Variants in HDAC2 observed in about 807,000 individuals in gnomAD.
The protein encoded by HDAC2 is histone deacetylase 2.
In HDAC2, 5 loss-of-function variants were observed where a neutral mutation model predicts 68.5. The ratio of observed to expected loss-of-function variants is 0.07; its 90% confidence interval spans 0.04 to 0.15. The LOEUF is 0.15. HDAC2 is among the 10% of genes least tolerant of loss of function. The pLI, the probability that HDAC2 is intolerant of heterozygous loss-of-function variation, is 1.00. For missense variants in HDAC2, 291 were observed against 600.8 expected, an observed-to-expected ratio of 0.48 and a Z score of 5.39; for synonymous variants, 182 against 191.3, an observed-to-expected ratio of 0.95 and a Z score of 0.40.
chr6:113,947,066 T>A (rs1024685628), intron 8 of HDAC2: 3 of 152,176 alleles, frequency 2.0e-5, no homozygotes, highest in African/African-American at 4.8e-5. Context: ...AGTTGCAACA[T>A]GTGATTTACA....
At chr6:113,960,647 A>G (rs1442689723) in intron 1 of HDAC2, among the ~76,000 whole-genome samples, 1 of 152,092 alleles carries the variant, frequency 6.6e-6, no homozygotes, top group Non-Finnish European at 1.5e-5. Flanking sequence ...ACGGCATCTT[A>G]TATCACAATG....
rs1157061131 is a variant in HDAC2 at position 113,965,706 on chromosome 6, C to T, written c.52+5151G>A. On this transcript the variant is annotated intron_variant, in intron 1 of 13. Transcript: ENST00000519065. The stretch of plus-strand genomic sequence containing the variant: ...CTTTATACCTGCAGTCTTTTATTTC[C>T]TTCTTAGGACTTGAGCAATCTTTTG... 2.6e-5 allele frequency among the ~76,000 whole-genome samples: 4 copies of T among 152,144 alleles called. No homozygotes were observed. The East Asian group carries it at 7.7e-4, about 29-fold the overall frequency.
At chr6:113,963,443 T>C (rs1315336863) in intron 1 of HDAC2, among the ~76,000 whole-genome samples, 1 of 152,178 alleles carries the variant, frequency 6.6e-6, no homozygotes, top group Non-Finnish European at 1.5e-5. Flanking sequence ...TTTTTATTCA[T>C]CATTTAAATG....
In HDAC2 at chr6:113,956,607, A is replaced by C; in HGVS notation, c.358+12T>G. 6.3e-7 allele frequency: 1 copy of C among 1,592,880 alleles called. No individual in the cohort carries two copies. The highest frequency in any genetic ancestry group is 8.6e-7 in the Non-Finnish European group (1 of 1,160,634). ...CAGATCAACTTTTAAATCTGATTGC[A>C]TTAGCACTTACCAACTGAACCGCCA... On this transcript the variant is annotated intron_variant, in intron 4 of 13. Transcript: ENST00000519065.
At position 113,970,936 on chromosome 6, in the gene HDAC2, G is replaced by GCAC. The variant is rs1562153062; in HGVS notation, c.-29_-28insGTG. The GCAC allele has an allele frequency of 6.4e-7, 1 of 1,552,588 alleles. No individual in the cohort carries two copies. On this transcript the variant is annotated 5_prime_UTR_variant, in exon 1 of 14. Coordinates refer to ENST00000519065, the MANE Select transcript of HDAC2 (RefSeq NM_001527.4). Reference sequence around the variant, plus strand: ...GCTCCCCGGCCACCGCCGCCACCGGGCTCCTCCTCCTGCTGCTGCTGCTGC... The same window carrying GCAC: ...GCTCCCCGGCCACCGCCGCCACCGGGCACCTCCTCCTCCTGCTGCTGCTGCTGC...
chr6:113,970,307 G>T, intron 1 of HDAC2: 2 of 286,992 alleles, frequency 7.0e-6, no homozygotes, highest in Non-Finnish European at 1.0e-5. Context: ...AGACGCTCCG[G>T]CCAGACCGAA....
At chr6:113,959,885 T>C (rs773040572) in intron 2 of HDAC2, 21 bp downstream of exon 2, 21 of 967,426 alleles carry the variant, frequency 2.2e-5, no homozygotes, top group Non-Finnish European at 2.6e-5. Flanking sequence ...GTGCTGAATA[T>C]GTATTAAAAG....
At chr6:113,942,632 T>C (rs1562139978) in intron 12 of HDAC2, among the ~76,000 whole-genome samples, 1 of 152,148 alleles carries the variant, frequency 6.6e-6, no homozygotes, top group Non-Finnish European at 1.5e-5. Context: ...AGATACTGTG[T>C]TCCCTAGCCA....
rs1170894901 is a variant in HDAC2, at chr6:113,937,579, T to C, written c.*3479A>G. On this transcript the variant is annotated 3_prime_UTR_variant, in exon 14 of 14. Transcript: ENST00000519065. Reference sequence around the variant, plus strand: ...ATAGTTGCTTTCTAAGTCTGTAACATGATAGGTTTAGGCCGGGTACGGTGG... The same window carrying C: ...ATAGTTGCTTTCTAAGTCTGTAACACGATAGGTTTAGGCCGGGTACGGTGG... The C allele has an allele frequency of 6.6e-6, 1 of 152,244 alleles. No individual in the cohort carries two copies. Among genetic ancestry groups the C allele is most frequent in the East Asian group, 1.9e-4 (1 of 5,196 alleles). The allele number at this position is 152,244 out of a possible 1,614,324, so 9.4% of individuals were successfully genotyped here.
chr6:113,968,202 T>G (rs1318723549), intron 1 of HDAC2: 1 of 152,160 alleles, frequency 6.6e-6, no homozygotes, highest in Non-Finnish European at 1.5e-5. Flanking sequence ...GTCCTTTTCT[T>G]TTTCACTCAC....
At chr6:113,960,320 C>G (rs1355235492) in intron 1 of HDAC2, among the ~76,000 whole-genome samples, 1 of 151,974 alleles carries the variant, frequency 6.6e-6, no homozygotes, top group African/African-American at 2.4e-5. Flanking sequence ...TGAAATGATG[C>G]CTGCTTTCTG....
intron 13 of HDAC2, among the ~76,000 whole-genome samples, chr6:113,941,346 G>A (rs540796767): frequency 1.3e-5 from 2 of 152,054 alleles, no homozygotes; most frequent in South Asian, 2.1e-4. Context: ...ATCCTCAACT[G>A]TTTTTACTTA....
At chr6:113,968,826 C>A (rs1216945149) in intron 1 of HDAC2, 1 of 152,158 alleles carries the variant, frequency 6.6e-6, no homozygotes, top group Admixed American at 6.5e-5. Context: ...ATAAATGGGC[C>A]CAGGACAAGA....
Position 113,938,171 on chromosome 6 carries a change from A to G in HDAC2, c.*2887T>C, listed in dbSNP as rs1430562836. 2.0e-5 allele frequency: 3 copies of G among 152,206 alleles called. No homozygotes were observed. Among genetic ancestry groups the G allele is most frequent in the African/African-American group, 7.2e-5 (3 of 41,452 alleles). The allele number at this position is 152,206 out of a possible 1,614,324, so 9.4% of individuals were successfully genotyped here. ...AAAAAAGAAAAAATAAATAAACATA[A>G]TAGGTTTAAAAAACTAAGTTAAAAA... On this transcript the variant is annotated 3_prime_UTR_variant, in exon 14 of 14. Transcript: ENST00000519065.
rs1776114084 is a variant in HDAC2, at chr6:113,940,863, A to T, written c.*195T>A. On this transcript the variant is annotated 3_prime_UTR_variant, in exon 14 of 14. Transcript: ENST00000519065. The stretch of plus-strand genomic sequence containing the variant: ...TATCACATAAAGCATGGTGGAGAAA[A>T]GAAATTTTGCTTCATAATTAGAAAA... 1 of 472,204 alleles carries T rather than the reference A, an allele frequency of 2.1e-6. No homozygotes were observed. The highest frequency in any genetic ancestry group is 2.0e-5 in the African/African-American group (1 of 50,594). 29.3% of individuals were successfully genotyped at this position (472,204 alleles called of 1,614,324 possible).
chr6:113,949,293 T>C, intron 6 of HDAC2, 33 bp from the exon 7 acceptor site: 2 of 1,285,984 alleles, frequency 1.6e-6, no homozygotes, highest in South Asian at 2.4e-5. Flanking sequence ...TCTTAGAGAA[T>C]ATTCTATAAT....
chr6:113,943,283 A>C, intron 12 of HDAC2, 68 bp downstream of exon 12: 1 of 1,298,150 alleles, frequency 7.7e-7, no homozygotes, highest in South Asian at 1.4e-5. Flanking sequence ...CGATAGCATA[A>C]ACATTATAAT....
intron 2 of HDAC2, chr6:113,959,506 A>G (rs1776629683): frequency 6.5e-6 from 1 of 153,632 alleles, no homozygotes; most frequent in African/African-American, 2.4e-5. Flanking sequence ...ATGCCCTGCA[A>G]ATATTTGTGG....
At position 113,970,940 on chromosome 6, in the gene HDAC2, C is replaced by T; in HGVS notation, c.-32G>A. The T allele has an allele frequency of 6.4e-7, 1 of 1,554,184 alleles. No homozygotes were observed. Among genetic ancestry groups the T allele is most frequent in the Non-Finnish European group, 8.7e-7 (1 of 1,148,812 alleles). ...CCCGGCCACCGCCGCCACCGGGCTC[C>T]TCCTCCTGCTGCTGCTGCTGCTGCT... On this transcript the variant is annotated 5_prime_UTR_variant, in exon 1 of 14. Coordinates refer to ENST00000519065, the MANE Select transcript of HDAC2 (RefSeq NM_001527.4).
Sources: gnomAD v4.1 joint callset for allele counts (sites outside exome capture counted in the v4.1 genomes callset) on GRCh38, gnomAD v4.1.1 for gene constraint, MANE v1.5 for transcripts, NCBI Gene and HGNC (gene_info 2026-07-23, HGNC 2026-07-21) for gene names.